Variants in CC2D2A observed in about 807,000 individuals in gnomAD.
CC2D2A encodes coiled-coil and C2 domain containing 2A, also known as coiled-coil and C2 domain-containing protein 2A.
Under a neutral mutation model 212.9 loss-of-function variants are expected in CC2D2A, and 155 were observed. That is an observed-to-expected ratio of 0.73 (90% confidence interval 0.64 to 0.83). The LOEUF (loss-of-function observed/expected upper bound fraction) is 0.83, where lower values mean the gene tolerates loss of function less well. Among genes scored for constraint, CC2D2A ranks in the 40% least tolerant of loss-of-function variants. The probability of loss-of-function intolerance (pLI) is 0.00; values close to 1 mark genes in which losing one functional copy is unlikely to be tolerated. For missense variants in CC2D2A, 1,856 were observed against 1,956.2 expected (o/e 0.95, Z 0.97); for synonymous variants, 667 against 686.5 (o/e 0.97, Z 0.44).
chr4:15,560,638 G>T lies in CC2D2A; in HGVS notation c.3014+16G>T. Reference sequence around the variant, plus strand: ...CCAATATCAGGTAAAAATAATCAAAGCCATTATTATCAATTCTTATAAAAA... The same window carrying T: ...CCAATATCAGGTAAAAATAATCAAATCCATTATTATCAATTCTTATAAAAA... On this transcript the variant is annotated intron_variant, in intron 23 of 36. Coordinates refer to ENST00000424120, the MANE Select transcript of CC2D2A (RefSeq NM_001378615.1). 2 of 1,046,372 alleles carry T rather than the reference G, an allele frequency of 1.9e-6. No homozygotes were observed. The highest frequency in any genetic ancestry group is 2.8e-6 in the Non-Finnish European group (2 of 705,650). 64.8% of individuals were successfully genotyped at this position (1,046,372 alleles called of 1,614,324 possible).
intron 4 of CC2D2A, among the ~76,000 whole-genome samples, chr4:15,497,958 G>A (rs889783527): frequency 2.5e-4 from 38 of 152,220 alleles, no homozygotes; most frequent in Non-Finnish European, 3.2e-4. Context: ...GAGAGGAACA[G>A]AAAATTATTT....
chr4:15,587,985 G>C lies in CC2D2A; in HGVS notation c.4179+56G>C, dbSNP rs139452510. On this transcript the variant is annotated intron_variant, in intron 32 of 36. Transcript: ENST00000424120. ...GAGTATAGTTGTCTAATCGAGTTGT[G>C]TGTTCCAGATCACACACAGGACATA... is the stretch of plus-strand genomic sequence containing the variant. 2.3e-4 allele frequency: 223 copies of C among 981,482 alleles called. No individual in the cohort carries two copies. In the African/African-American group the frequency reaches 3.3e-3, roughly 15 times the overall value. The allele number at this position is 981,482 out of a possible 1,614,324, so 60.8% of individuals were successfully genotyped here. A position where few individuals can be genotyped will look rare whatever the true frequency, so the allele number is the denominator to read the frequency against.
At position 15,537,920 on chromosome 4, in the gene CC2D2A, A is replaced by T; in HGVS notation, c.1786A>T (p.Lys596Ter). The change falls in exon 16 of 37, where the codon AAA (lysine) becomes TAA (stop). Residue 596 changes from lysine (K) to a stop codon, truncating the protein, a stop_gained. Coordinates refer to ENST00000424120, the MANE Select transcript of CC2D2A (RefSeq NM_001378615.1). LOFTEE classifies it high-confidence loss of function. ...ACAGAGGGCCAAGAAGAAGAAAAGG[A>T]AACAAGCAGCAGAAGAACATCCCGG... ...KVQRAKKKKR[K>*]QAAEEHPGDE... 6.2e-7 allele frequency: 1 copy of T among 1,604,884 alleles called. No individual in the cohort carries two copies. The highest frequency in any genetic ancestry group is 8.5e-7 in the Non-Finnish European group (1 of 1,175,650).
chr4:15,563,465 AGCT>A lies in CC2D2A; in HGVS notation c.3130_3132del (p.Leu1044del). Reference sequence around the variant, plus strand: ...CAAAACCTGTCTGATGGAGACATAAAGCTGCTGGTGAACATTGTGCGAGCTTAC... The same window carrying A: ...CAAAACCTGTCTGATGGAGACATAAAGCTGGTGAACATTGTGCGAGCTTAC... On this transcript the variant is annotated inframe_deletion, in exon 24 of 37. Transcript: ENST00000424120. 6.2e-7 allele frequency: 1 copy of A among 1,612,326 alleles called. No individual in the cohort carries two copies. The highest frequency in any genetic ancestry group is 8.5e-7 in the Non-Finnish European group (1 of 1,179,254).
In CC2D2A at chr4:15,550,335, C is replaced by T. The variant is rs147878362; in HGVS notation, c.2182-489C>T. On this transcript the variant is annotated intron_variant, in intron 17 of 36. Transcript: ENST00000424120. ...TAAAATGAGGCCTGAAAGAGAAGAA[C>T]TTGATAGATTTACTAAAAATGTAAC... Among the ~76,000 whole-genome samples the T allele has an allele frequency of 2.9e-3, 443 of 152,250 alleles. 7 individuals are homozygous for T. The highest frequency in any genetic ancestry group is 0.01 in the African/African-American group (428 of 41,550).
intron 24 of CC2D2A, chr4:15,563,723 A>C: frequency 5.2e-6 from 3 of 579,878 alleles, no homozygotes; most frequent in Non-Finnish European, 9.1e-6. Flanking sequence ...GGATTTATTA[A>C]GAACATCTCA....
intron 18 of CC2D2A, among the ~76,000 whole-genome samples, chr4:15,552,170 C>T (rs935101512): frequency 2.6e-5 from 4 of 152,144 alleles, no homozygotes; most frequent in Non-Finnish European, 4.4e-5. Context: ...AAATTCCCAT[C>T]GGTAGAGGCC....
chr4:15,516,459 A>C (rs1416965976), intron 10 of CC2D2A, among the ~76,000 whole-genome samples, 166 bp from the exon 11 acceptor site: 1 of 152,206 alleles, frequency 6.6e-6, no homozygotes, highest in Non-Finnish European at 1.5e-5. Context: ...AGTGTTAGTG[A>C]AGACTTGATT....
chr4:15,567,422 G>A lies in CC2D2A; in HGVS notation c.3228G>A (p.Lys1076=), dbSNP rs774427183. The change falls in exon 25 of 37, where the codon AAG becomes AAA. Residue 1076 remains lysine (K), a synonymous_variant. Transcript: ENST00000424120. ...GGTCTTCAAGGATGTTCAGTGAAAA[G>A]CATGCTGCTTCCCCAAGCACGTACA... ...PSRSSRMFSE[K]HAASPSTYSP... is the part of the protein sequence containing the mutation. 1.2e-6 allele frequency: 2 copies of A among 1,613,408 alleles called. No homozygotes were observed. The highest frequency in any genetic ancestry group is 2.7e-5 in the African/African-American group (2 of 74,880).
chr4:15,588,190 C>T (rs1720938751), intron 32 of CC2D2A, among the ~76,000 whole-genome samples: 1 of 152,166 alleles, frequency 6.6e-6, no homozygotes, highest in Non-Finnish European at 1.5e-5. Context: ...CCACCTAGCT[C>T]TGTCCTTTTA....
intron 8 of CC2D2A, among the ~76,000 whole-genome samples, chr4:15,513,845 A>G (rs1437233320): frequency 6.6e-6 from 1 of 152,208 alleles, no homozygotes; most frequent in East Asian, 1.9e-4. Context: ...TTCTACATAG[A>G]TTCCCTTTTT....
intron 13 of CC2D2A, among the ~76,000 whole-genome samples, 194 bp downstream of exon 13, chr4:15,528,920 G>T (rs1717665589): frequency 6.6e-6 from 1 of 152,176 alleles, no homozygotes; most frequent in Non-Finnish European, 1.5e-5. Context: ...TAAGGAAATG[G>T]TCACTCTGCA....
intron 33 of CC2D2A, among the ~76,000 whole-genome samples, chr4:15,591,290 G>C (rs1047160476): frequency 1.3e-5 from 2 of 149,142 alleles, no homozygotes; most frequent in Non-Finnish European, 3.0e-5. Flanking sequence ...AGCGATCTCG[G>C]CTCAACGCAA....
intron 28 of CC2D2A, among the ~76,000 whole-genome samples, 186 bp downstream of exon 28, chr4:15,570,682 C>T (rs193097088): frequency 8.1e-4 from 123 of 152,210 alleles, no homozygotes; most frequent in African/African-American, 2.6e-3. Context: ...TGGTGAAACC[C>T]CATCTCTACT....
At chr4:15,471,538 T>G (rs1713819981) in intron 1 of CC2D2A, among the ~76,000 whole-genome samples, 1 of 152,054 alleles carries the variant, frequency 6.6e-6, no homozygotes, top group Non-Finnish European at 1.5e-5. Flanking sequence ...GCCCAGCCTG[T>G]GCTAGGCATT....
chr4:15,486,256 T>C (rs1396620369), intron 4 of CC2D2A, among the ~76,000 whole-genome samples: 2 of 152,104 alleles, frequency 1.3e-5, no homozygotes, highest in Admixed American at 6.5e-5. Flanking sequence ...AATGTTTTGT[T>C]GAATTCAGCA....
chr4:15,533,557 C>G, intron 14 of CC2D2A: 1 of 359,084 alleles, frequency 2.8e-6, no homozygotes, highest in South Asian at 4.8e-5. Flanking sequence ...TGTTTTCTTG[C>G]TTTTATACTT....
chr4:15,503,174 G>T (rs1716063205), intron 6 of CC2D2A, among the ~76,000 whole-genome samples: 1 of 151,846 alleles, frequency 6.6e-6, no homozygotes, highest in Non-Finnish European at 1.5e-5. Context: ...ATGCTGGCTT[G>T]TGCCTGTAGT....
chr4:15,593,108 C>T (rs1189201513), intron 33 of CC2D2A, among the ~76,000 whole-genome samples: 2 of 152,260 alleles, frequency 1.3e-5, no homozygotes, highest in South Asian at 2.1e-4. Flanking sequence ...TTTTGATACA[C>T]GGATACCTGA....
Sources: allele counts gnomAD v4.1 joint callset (sites outside exome capture counted in the v4.1 genomes callset), GRCh38; gene constraint gnomAD v4.1.1; transcripts MANE v1.5; gene names NCBI Gene and HGNC (gene_info 2026-07-23, HGNC 2026-07-21).